SLC6A20: variants seen among roughly 807,000 people sequenced by gnomAD.
The protein encoded by SLC6A20 is solute carrier family 6 member 20.
SLC6A20 carries 73 observed loss-of-function variants against 64.3 expected under a neutral mutation model. The ratio of observed to expected loss-of-function variants is 1.14; its 90% CI spans 0.94 to 1.38. The LOEUF (loss-of-function observed/expected upper bound fraction) is 1.38. Ranked by LOEUF, SLC6A20 falls within the 40% of genes most tolerant of loss-of-function variation. The pLI is 0.00. For synonymous variants in SLC6A20, 347 were observed against 329.6 expected, an observed-to-expected ratio of 1.05 and a Z score of -0.57; for missense variants, 725 against 772.8, an observed-to-expected ratio of 0.94 and a Z score of 0.73.
intron 3 of SLC6A20, 126 bp downstream of exon 3, chr3:45,779,883 C>T: frequency 9.9e-6 from 10 of 1,013,960 alleles, no homozygotes; most frequent in Non-Finnish European, 1.4e-5. Flanking sequence ...CACCTCACAC[C>T]ACCCACCGGC....
In SLC6A20 at chr3:45,758,850, A is replaced by C. The variant is rs1699595730; in HGVS notation, c.*128T>G. ...AGTTTTCTTCCTGCACACCTTCCTCATCTTCTTTAGACACTCAGGAAGTTG... is the reference window on the plus strand; with the variant it reads ...AGTTTTCTTCCTGCACACCTTCCTCCTCTTCTTTAGACACTCAGGAAGTTG... On this transcript the variant is annotated 3_prime_UTR_variant, in exon 11 of 11. Coordinates refer to ENST00000358525, the MANE Select transcript of SLC6A20 (RefSeq NM_020208.4). 1 of 1,382,792 alleles carries C rather than the reference A, an allele frequency of 7.2e-7. No homozygotes were observed. The highest frequency in any genetic ancestry group is 9.4e-7 in the Non-Finnish European group (1 of 1,064,734). The allele number at this position is 1,382,792 out of a possible 1,614,324, so 85.7% of individuals were successfully genotyped here.
At chr3:45,781,242 G>A (rs1157163349) in intron 2 of SLC6A20, among the ~76,000 whole-genome samples, 7 of 151,614 alleles carry the variant, frequency 4.6e-5, no homozygotes, top group South Asian at 2.1e-4. Context: ...AAAATTAATA[G>A]CCATTCAAGA....
In SLC6A20 at chr3:45,771,455, C is replaced by G. The variant is rs1274445864; in HGVS notation, c.697G>C (p.Glu233Gln). The G allele has an allele frequency of 1.9e-6, 3 of 1,614,128 alleles. No homozygotes were observed. The East Asian group carries it at 6.7e-5, about 36-fold the overall frequency. ...CAGGCCTTGGGGTTGGCCAGCTGCTCTATCTGGAAGGCCAGCAGGGACAGG... is the reference window on the plus strand; with the variant it reads ...CAGGCCTTGGGGTTGGCCAGCTGCTGTATCTGGAAGGCCAGCAGGGACAGG... The part of the protein sequence containing the change: ...GLMYMFTPKI[E>Q]QLANPKAWIN... Residue 233 changes from glutamate to glutamine, a missense_variant, in exon 6 of 11, where the codon GAG (glutamate) becomes CAG (glutamine). Glu to Gln is a conservative substitution (Grantham distance 29, BLOSUM62 2). Coordinates refer to ENST00000358525, the MANE Select transcript of SLC6A20 (RefSeq NM_020208.4).
At chr3:45,770,171 G>A (rs757817702) in intron 7 of SLC6A20, 38 bp downstream of exon 7, 3 of 1,612,662 alleles carry the variant, frequency 1.9e-6, no homozygotes, top group Non-Finnish European at 2.5e-6. Context: ...TGAGTGTGTG[G>A]AGAGAAGCCA....
intron 10 of SLC6A20, 38 bp from the exon 11 acceptor site, chr3:45,759,165 C>T (rs1421925601): frequency 6.3e-7 from 1 of 1,580,704 alleles, no homozygotes; most frequent in Non-Finnish European, 8.6e-7. Flanking sequence ...AGAGCACCTG[C>T]TGAGCACTGC....
chr3:45,780,228 G>C, intron 2 of SLC6A20, 128 bp from the exon 3 acceptor site: 1 of 743,586 alleles, frequency 1.3e-6, no homozygotes, highest in African/African-American at 1.8e-5. Context: ...CCTCCACCAG[G>C]TTTGTGTGGT....
intron 1 of SLC6A20, among the ~76,000 whole-genome samples, chr3:45,789,391 C>A (rs1700213187): frequency 6.6e-6 from 1 of 152,008 alleles, no homozygotes; most frequent in Admixed American, 6.5e-5. Flanking sequence ...CAAACATAAC[C>A]TGATAATAAA....
intron 3 of SLC6A20, among the ~76,000 whole-genome samples, chr3:45,779,422 T>C (rs1700031058): frequency 6.6e-6 from 1 of 152,328 alleles, no homozygotes; most frequent in East Asian, 1.9e-4. Context: ...GTGTCAGCTG[T>C]AGTTATCATC....
At chr3:45,771,630 A>G in intron 5 of SLC6A20, 172 bp from the exon 6 acceptor site, 1 of 996,430 alleles carries the variant, frequency 1.0e-6, no homozygotes, top group South Asian at 1.7e-5. Flanking sequence ...ACTCCCTGGC[A>G]GATGAAACAC....
chr3:45,776,983 G>A (rs968634280), intron 3 of SLC6A20, among the ~76,000 whole-genome samples: 1 of 152,172 alleles, frequency 6.6e-6, no homozygotes, highest in Non-Finnish European at 1.5e-5. Flanking sequence ...GTGGTAAACA[G>A]TGGTGCTGAG....
intron 3 of SLC6A20, among the ~76,000 whole-genome samples, chr3:45,776,391 A>G (rs1333847092): frequency 6.6e-6 from 1 of 152,090 alleles, no homozygotes; most frequent in Non-Finnish European, 1.5e-5. Context: ...ATTGCTTAGG[A>G]CTTGGTCAAT....
chr3:45,765,750 G>T lies in SLC6A20; in HGVS notation c.1099-9C>A. 6.2e-7 allele frequency: 1 copy of T among 1,614,090 alleles called. No homozygotes were observed. Among genetic ancestry groups the T allele is most frequent in the Non-Finnish European group, 8.5e-7 (1 of 1,180,016 alleles). On this transcript the variant is annotated splice_polypyrimidine_tract_variant and intron_variant, in intron 7 of 10. Transcript: ENST00000358525. This position sits in a 1 kb window ranked among gnomAD's most constrained non-coding sequence, Gnocchi z 4.2. ...CCAGTGCCCTGGACGGCCTGCCCAG[G>T]GTGAGAAGACACCAGTTACATGCAA...
chr3:45,756,784 A>T lies in SLC6A20; in HGVS notation c.*2194T>A, dbSNP rs768661787. On this transcript the variant is annotated 3_prime_UTR_variant, in exon 11 of 11. Coordinates refer to ENST00000358525, the MANE Select transcript of SLC6A20 (RefSeq NM_020208.4). ...CTTTATTGCAGTTAAAAAAAGAAAAATTTTTTTGAGAAAAGAAATAAGACA... is the reference window on the plus strand; with the variant it reads ...CTTTATTGCAGTTAAAAAAAGAAAATTTTTTTTGAGAAAAGAAATAAGACA... 7 of 152,134 alleles carry T rather than the reference A, an allele frequency of 4.6e-5. No individual in the cohort carries two copies. The highest frequency in any genetic ancestry group is 7.2e-5 in the African/African-American group (3 of 41,424). 9.4% of individuals were successfully genotyped at this position (152,134 alleles called of 1,614,324 possible). A position where few individuals can be genotyped will look rare whatever the true frequency, so the allele number is the denominator to read the frequency against.
chr3:45,765,456 C>G lies in SLC6A20; in HGVS notation c.1303+81G>C. On this transcript the variant is annotated intron_variant, in intron 8 of 10. Coordinates refer to ENST00000358525, the MANE Select transcript of SLC6A20 (RefSeq NM_020208.4). This position sits in a 1 kb window ranked among gnomAD's most constrained non-coding sequence, Gnocchi z 4.2. ...GTAGCCACCTGAACCAGCCCATGAC[C>G]CCTGAGGGAGCTCTCCCCTGTTCAC... The G allele has an allele frequency of 6.7e-7, 1 of 1,490,676 alleles. No homozygotes were observed. The highest frequency in any genetic ancestry group is 9.1e-7 in the Non-Finnish European group (1 of 1,101,750). 92.3% of individuals were successfully genotyped at this position (1,490,676 alleles called of 1,614,324 possible). A position where few individuals can be genotyped will look rare whatever the true frequency, so the allele number is the denominator to read the frequency against.
In SLC6A20 at chr3:45,758,197, G is replaced by T. The variant is rs569193683; in HGVS notation, c.*781C>A. The stretch of plus-strand genomic sequence containing the variant: ...CCCCCAAGGTGCTAGGATTACAGGC[G>T]TGAGCCACCGTGCCCAGCTGAGATC... On this transcript the variant is annotated 3_prime_UTR_variant, in exon 11 of 11. Transcript: ENST00000358525. 1 of 225,412 alleles carries T rather than the reference G, an allele frequency of 4.4e-6. No homozygotes were observed. Among genetic ancestry groups the T allele is most frequent in the East Asian group, 1.7e-4 (1 of 5,978 alleles). 14.0% of individuals were successfully genotyped at this position (225,412 alleles called of 1,614,324 possible). A position where few individuals can be genotyped will look rare whatever the true frequency, so the allele number is the denominator to read the frequency against.
At position 45,771,402 on chromosome 3, in the gene SLC6A20, G is replaced by A; in HGVS notation, c.750C>T (p.Phe250=). 1 of 1,614,222 alleles carries A rather than the reference G, an allele frequency of 6.2e-7. No individual in the cohort carries two copies. The highest frequency in any genetic ancestry group is 8.5e-7 in the Non-Finnish European group (1 of 1,180,010). The change falls in exon 6 of 11, where the codon TTC becomes TTT. Residue 250 remains phenylalanine (F), a synonymous_variant. Transcript: ENST00000358525. ...AWINAATQIF[F]SLGLGFGSLI... ...GGCTGCCGAAGCCCAGGCCAAGTGA[G>A]AAGAAGATCTGGGTGGCTGCATTGA...
At chr3:45,781,976 G>A in intron 2 of SLC6A20, 107 bp downstream of exon 2, 5 of 1,395,090 alleles carry the variant, frequency 3.6e-6, no homozygotes, top group Non-Finnish European at 4.7e-6. Context: ...TCTCTCTTGG[G>A]CCTTGTGCTC....
In SLC6A20 at chr3:45,759,856, C is replaced by A; in HGVS notation, c.1629+1G>T. On this transcript the variant is annotated splice_donor_variant, in intron 10 of 10. Coordinates refer to ENST00000358525, the MANE Select transcript of SLC6A20 (RefSeq NM_020208.4). LOFTEE classifies it high-confidence loss of function. ...GCCAGCCCTACGGAGACAGTAGATA[C>A]CTGGGAGGCGTCCCAGGCTTGATAC... 6.2e-7 allele frequency: 1 copy of A among 1,612,256 alleles called. No individual in the cohort carries two copies. Among genetic ancestry groups the A allele is most frequent in the Non-Finnish European group, 8.5e-7 (1 of 1,179,122 alleles).
At position 45,763,849 on chromosome 3, in the gene SLC6A20, C is replaced by T. The variant is rs549772833; in HGVS notation, c.1304-777G>A. Reference sequence around the variant, plus strand: ...ACACCTGCCCTTTCCACTAGCACACCGTACACTGCCAGCTACCGAGCCCTC... The same window carrying T: ...ACACCTGCCCTTTCCACTAGCACACTGTACACTGCCAGCTACCGAGCCCTC... On this transcript the variant is annotated intron_variant, in intron 8 of 10. Coordinates refer to ENST00000358525, the MANE Select transcript of SLC6A20 (RefSeq NM_020208.4). Among the ~76,000 whole-genome samples, 36 of 152,284 alleles carry T rather than the reference C, an allele frequency of 2.4e-4. No homozygotes were observed. The East Asian group carries it at 3.5e-3, about 15-fold the overall frequency.
Sources: gnomAD v4.1 joint callset for allele counts (sites outside exome capture counted in the v4.1 genomes callset) on GRCh38, gnomAD v4.1.1 for gene constraint, Gnocchi (gnomAD v3.1) non-coding constraint, MANE v1.5 for transcripts, NCBI Gene and HGNC (gene_info 2026-07-23, HGNC 2026-07-21) for gene names.